The following SMAD1 variants were observed in gnomAD, a reference collection of about 807,000 sequenced individuals.
The protein encoded by SMAD1 is MAD, mothers against decapentaplegic homolog 1.
In SMAD1, 6 loss-of-function variants were observed where a neutral mutation model predicts 41.6. That is an observed-to-expected ratio of 0.14 (90% CI 0.08 to 0.28). SMAD1 has a LOEUF of 0.28. SMAD1 is among the 10% of genes least tolerant of loss of function. The probability of loss-of-function intolerance (pLI) is 1.00; values close to 1 mark genes in which losing one functional copy is unlikely to be tolerated. For synonymous variants in SMAD1, 206 were observed against 203.2 expected (o/e 1.01, Z -0.12); for missense variants, 379 against 582.6 (o/e 0.65, Z 3.60).
At chr4:145,529,060 T>C (rs552520825) in intron 2 of SMAD1, among the ~76,000 whole-genome samples, 2 of 152,344 alleles carry the variant, frequency 1.3e-5, no homozygotes, top group South Asian at 2.1e-4. Context: ...AAAGAAAATC[T>C]GAGAAGTACT....
chr4:145,493,684 TG>T (rs1449674978), intron 1 of SMAD1, among the ~76,000 whole-genome samples: 1 of 152,238 alleles, frequency 6.6e-6, no homozygotes, highest in African/African-American at 2.4e-5. Context: ...TTAAAAGGGG[TG>T]TGTCCTCACT....
rs534567252 is a variant in SMAD1, at chr4:145,513,812, G to T, written c.-176-626G>T. 2.0e-5 allele frequency among the ~76,000 whole-genome samples: 3 copies of T among 152,238 alleles called. No homozygotes were observed. The South Asian group carries it at 6.2e-4, about 32-fold the overall frequency. The stretch of plus-strand genomic sequence containing the variant: ...ATATTACAATATCTTTTGAGAACTT[G>T]GGCTTTTTAACTTTGTTGCTTTTAT... On this transcript the variant is annotated intron_variant, in intron 1 of 6. Coordinates refer to ENST00000302085, the MANE Select transcript of SMAD1 (RefSeq NM_005900.3).
intron 2 of SMAD1, among the ~76,000 whole-genome samples, chr4:145,531,835 T>C (rs1731334863): frequency 6.6e-6 from 1 of 152,162 alleles, no homozygotes; most frequent in South Asian, 2.1e-4. Flanking sequence ...CTTTTTTTTT[T>C]TTCTGTTACT....
chr4:145,493,412 A>C (rs891556490), intron 1 of SMAD1, among the ~76,000 whole-genome samples: 1 of 152,170 alleles, frequency 6.6e-6, no homozygotes, highest in Non-Finnish European at 1.5e-5. Flanking sequence ...CAACATATTT[A>C]ATAACAACCT....
chr4:145,491,083 A>G (rs2126938837), intron 1 of SMAD1, among the ~76,000 whole-genome samples: 1 of 152,326 alleles, frequency 6.6e-6, no homozygotes, highest in South Asian at 2.1e-4. Context: ...CAGAAACAAT[A>G]AAGGAAACTT....
chr4:145,528,084 CACACACACAT>C lies in SMAD1; in HGVS notation c.401-11708_401-11699del, dbSNP rs1234388910. On this transcript the variant is annotated intron_variant, in intron 2 of 6. Transcript: ENST00000302085. ...GTACACACACACACACACACACACACACACACACATACACACACATATATTTTTTTTTTTT... is the reference window on the plus strand; with the variant it reads ...GTACACACACACACACACACACACACACACACACATATATTTTTTTTTTTT... Among the ~76,000 whole-genome samples, 547 of 150,384 alleles carry C rather than the reference CACACACACAT, an allele frequency of 3.6e-3. 11 individuals carry two copies. The highest frequency in any genetic ancestry group is 0.036 in the East Asian group (183 of 5,138).
chr4:145,502,353 G>A (rs779274796), intron 1 of SMAD1, among the ~76,000 whole-genome samples: 2 of 152,166 alleles, frequency 1.3e-5, no homozygotes, highest in Non-Finnish European at 2.9e-5. Flanking sequence ...ATTAAGGAAT[G>A]TTGTACAACT....
chr4:145,525,516 A>G (rs1325678094), intron 2 of SMAD1, among the ~76,000 whole-genome samples: 1 of 152,132 alleles, frequency 6.6e-6, no homozygotes, highest in East Asian at 1.9e-4. Context: ...ACATTTTGTT[A>G]ATTTGCCAGT....
intron 2 of SMAD1, among the ~76,000 whole-genome samples, chr4:145,523,640 T>C (rs1440716285): frequency 6.6e-6 from 1 of 152,154 alleles, no homozygotes; most frequent in African/African-American, 2.4e-5. Context: ...TTTCTCGTAA[T>C]AGTTTTGGTG....
chr4:145,486,900 T>C (rs972323481), intron 1 of SMAD1, among the ~76,000 whole-genome samples: 5 of 152,154 alleles, frequency 3.3e-5, no homozygotes, highest in Non-Finnish European at 7.4e-5. Flanking sequence ...AGGTTTTTTT[T>C]CTCCCTACCA....
chr4:145,501,352 C>T (rs1002035361), intron 1 of SMAD1, among the ~76,000 whole-genome samples: 7 of 152,080 alleles, frequency 4.6e-5, no homozygotes, highest in South Asian at 2.1e-4. Flanking sequence ...GGGAAAGTGG[C>T]GTGAGACCAT....
At chr4:145,538,533 TAAA>T (rs1327515079) in intron 2 of SMAD1, among the ~76,000 whole-genome samples, 7 of 152,298 alleles carry the variant, frequency 4.6e-5, no homozygotes, top group Non-Finnish European at 1.0e-4. Flanking sequence ...TTTCAGCTCA[TAAA>T]AAAGTGATAA....
At chr4:145,549,431 C>A (rs1459210450) in intron 5 of SMAD1, among the ~76,000 whole-genome samples, 1 of 152,170 alleles carries the variant, frequency 6.6e-6, no homozygotes, top group African/African-American at 2.4e-5. Context: ...TATCCAAAAC[C>A]TGTGTTACAA....
intron 4 of SMAD1, 85 bp from the exon 5 acceptor site, chr4:145,546,618 T>C (rs1732265535): frequency 1.1e-6 from 1 of 931,790 alleles, no homozygotes; most frequent in South Asian, 1.3e-5. Context: ...CATTCCATGA[T>C]CCTGAGCCAA....
chr4:145,534,526 A>G (rs536155424), intron 2 of SMAD1, among the ~76,000 whole-genome samples: 20 of 152,334 alleles, frequency 1.3e-4, no homozygotes, highest in African/African-American at 4.6e-4. Context: ...TAAAATCTCT[A>G]TAAAGCCTTT....
chr4:145,481,716 G>C (rs1056150950), upstream of SMAD1: 4 of 177,798 alleles, frequency 2.2e-5, no homozygotes, highest in African/African-American at 9.6e-5. Context: ...GAGGATCCCT[G>C]GTCGCGCGGC....
rs1036851922 is a variant in SMAD1, at chr4:145,528,832, C to T, written c.401-10972C>T. Among the ~76,000 whole-genome samples, 5 of 152,198 alleles carry T rather than the reference C, an allele frequency of 3.3e-5. 1 individual carries two copies. Among genetic ancestry groups the T allele is most frequent in the African/African-American group, 1.2e-4 (5 of 41,444 alleles). ...GACACCATAGCACGGTGGCTAAGAA[C>T]TTGGACTGCAGTGCCAGGCTGCCTA... On this transcript the variant is annotated intron_variant, in intron 2 of 6. Coordinates refer to ENST00000302085, the MANE Select transcript of SMAD1 (RefSeq NM_005900.3).
At chr4:145,489,725 G>A (rs979067522) in intron 1 of SMAD1, among the ~76,000 whole-genome samples, 1 of 152,220 alleles carries the variant, frequency 6.6e-6, no homozygotes, top group Non-Finnish European at 1.5e-5. Context: ...AGGCAGGTTG[G>A]AGATAAGGTT....
chr4:145,532,474 G>A (rs1169753381), intron 2 of SMAD1, among the ~76,000 whole-genome samples: 2 of 152,062 alleles, frequency 1.3e-5, no homozygotes, highest in South Asian at 2.1e-4. Context: ...GAAAAGATTT[G>A]GGTTTTTACC....
Sources: allele counts gnomAD v4.1 joint callset (sites outside exome capture counted in the v4.1 genomes callset), GRCh38; gene constraint gnomAD v4.1.1; transcripts MANE v1.5; gene names NCBI Gene and HGNC (gene_info 2026-07-23, HGNC 2026-07-21).